The following ARHGAP6 variants were observed in gnomAD, a reference collection of about 807,000 sequenced individuals.
ARHGAP6 encodes the protein rho GTPase-activating protein 6.
A neutral mutation model predicts 55.7 loss-of-function variants in ARHGAP6; 16 were observed. The ratio of observed to expected loss-of-function variants is 0.29; its 90% confidence interval spans 0.19 to 0.44. The LOEUF is 0.44. Among genes scored for constraint, ARHGAP6 ranks in the 20% least tolerant of loss-of-function variants. The pLI is 1.00. For missense variants in ARHGAP6, 698 were observed against 808.9 expected (o/e 0.86, Z 1.66); for synonymous variants, 382 against 360.9 (o/e 1.06, Z -0.66).
Position 11,664,783 on chromosome X carries a change from G to A in ARHGAP6, c.46C>T (p.Pro16Ser), listed in dbSNP as rs747882322. Residue 16 changes from proline to serine, a missense_variant, in exon 1 of 13, where the codon CCC (proline) becomes TCC (serine). Physicochemically the swap from Pro to Ser is moderately conservative, Grantham distance 74 (BLOSUM62 -1). Around this residue, in one of 3 missense-constraint regions of ARHGAP6, gnomAD observed 164 missense variants for 149.2 expected, o/e 1.10. Transcript: ENST00000337414. The part of the protein sequence containing the change: ...LLHSVFSCSS[P>S]ASSSAASAKG... The stretch of plus-strand genomic sequence containing the variant: ...GCCGAGGCCGCGCTACTTGAAGCGG[G>A]CGAGGAACAGGAGAAGACGCTGTGG... 1 of 1,203,306 alleles carries A rather than the reference G, an allele frequency of 8.3e-7. No homozygotes were observed. The highest frequency in any genetic ancestry group is 1.8e-5 in the South Asian group (1 of 55,148).
intron 1 of ARHGAP6, among the ~76,000 whole-genome samples, chrX:11,646,245 A>G (rs2052525549): frequency 9.0e-6 from 1 of 111,489 alleles, no homozygotes; most frequent in Non-Finnish European, 1.9e-5. Context: ...TGTAATACCC[A>G]TGGGTATTAC....
chrX:11,495,467 T>C (rs1371102438), intron 1 of ARHGAP6, among the ~76,000 whole-genome samples: 3 of 112,267 alleles, frequency 2.7e-5, no homozygotes, highest in Non-Finnish European at 1.9e-5. Flanking sequence ...CCCTCTTTTC[T>C]TCACCTGAGT....
chrX:11,576,555 CTAAT>C (rs2051601023), intron 1 of ARHGAP6, among the ~76,000 whole-genome samples: 1 of 111,729 alleles, frequency 9.0e-6, no homozygotes, highest in African/African-American at 3.3e-5. Flanking sequence ...GGCACAATAA[CTAAT>C]TGTTATTGAA....
At chrX:11,353,941 C>T (rs750805323) in intron 1 of ARHGAP6, among the ~76,000 whole-genome samples, 3 of 110,922 alleles carry the variant, frequency 2.7e-5, no homozygotes, top group Non-Finnish European at 5.7e-5. Flanking sequence ...CAAAGAAATG[C>T]TTAGAAAGCC....
At chrX:11,357,535 T>G (rs1397132665) in intron 1 of ARHGAP6, among the ~76,000 whole-genome samples, 1 of 111,733 alleles carries the variant, frequency 8.9e-6, no homozygotes, top group Non-Finnish European at 1.9e-5. Context: ...TTCTCCAAAT[T>G]TTATGTGTTT....
At chrX:11,613,921 C>G (rs895645866) in intron 1 of ARHGAP6, among the ~76,000 whole-genome samples, 18 of 112,002 alleles carry the variant, frequency 1.6e-4, no homozygotes, top group African/African-American at 5.5e-4. Flanking sequence ...TTAGCTGGGC[C>G]TTTTCCCAAT....
chrX:11,229,649 T>C (rs1334864747), intron 2 of ARHGAP6, among the ~76,000 whole-genome samples: 2 of 112,098 alleles, frequency 1.8e-5, no homozygotes, highest in African/African-American at 3.2e-5. Context: ...GGAAACACTT[T>C]AGTAAATATG....
rs957432746 is a variant in ARHGAP6 at position 11,485,746 on chromosome X, G to A, written c.588+178495C>T. Among the ~76,000 whole-genome samples, 4 of 111,817 alleles carry A rather than the reference G, an allele frequency of 3.6e-5. No individual in the cohort carries two copies. The Admixed American group carries it at 3.8e-4, about 11-fold the overall frequency. The stretch of plus-strand genomic sequence containing the variant: ...GGGGTGGGTAGGATCAGTGAGCCCA[G>A]TTGCTACATCTCTTCAATTTGCAGG... On this transcript the variant is annotated intron_variant, in intron 1 of 12. Coordinates refer to ENST00000337414, the MANE Select transcript of ARHGAP6 (RefSeq NM_013427.3).
intron 1 of ARHGAP6, among the ~76,000 whole-genome samples, chrX:11,456,450 G>A (rs2050194351): frequency 8.9e-6 from 1 of 111,969 alleles, no homozygotes; most frequent in Non-Finnish European, 1.9e-5. Context: ...AATGTGACAA[G>A]GGTGAAAGAA....
chrX:11,492,694 G>C (rs2050583385), intron 1 of ARHGAP6, among the ~76,000 whole-genome samples: 1 of 110,081 alleles, frequency 9.1e-6, no homozygotes, highest in African/African-American at 3.3e-5. Context: ...GTATACTATA[G>C]TCCTATTTAT....
Position 11,389,493 on chromosome X carries a change from C to G in ARHGAP6, c.589-134786G>C, listed in dbSNP as rs931729187. Among the ~76,000 whole-genome samples the G allele has an allele frequency of 2.7e-5, 3 of 112,277 alleles. No individual in the cohort carries two copies. The South Asian group carries it at 1.1e-3, about 41-fold the overall frequency. On this transcript the variant is annotated intron_variant, in intron 1 of 12. Coordinates refer to ENST00000337414, the MANE Select transcript of ARHGAP6 (RefSeq NM_013427.3). ...GGCCAACCAAGTGAAGTTGCTAAAG[C>G]AAAAACCAGATATCAAATTATTTTG...
At chrX:11,516,169 CTAAG>C (rs1290028218) in intron 1 of ARHGAP6, among the ~76,000 whole-genome samples, 1 of 112,635 alleles carries the variant, frequency 8.9e-6, no homozygotes, top group African/African-American at 3.2e-5. Context: ...AAGTTAGTTA[CTAAG>C]TATTTTTTAA....
intron 1 of ARHGAP6, among the ~76,000 whole-genome samples, chrX:11,421,227 C>A (rs1355268684): frequency 1.8e-5 from 2 of 112,431 alleles, no homozygotes; most frequent in Non-Finnish European, 3.8e-5. Context: ...AAGTGCCATA[C>A]AAAATTGTTC....
intron 1 of ARHGAP6, among the ~76,000 whole-genome samples, chrX:11,444,296 G>A (rs949573495): frequency 8.9e-6 from 1 of 112,434 alleles, no homozygotes; most frequent in Non-Finnish European, 1.9e-5. Context: ...TCCACAGGCA[G>A]CGAATGTTGA....
chrX:11,470,901 T>C (rs2050340839), intron 1 of ARHGAP6, among the ~76,000 whole-genome samples: 1 of 111,947 alleles, frequency 8.9e-6, no homozygotes, highest in African/African-American at 3.2e-5. Flanking sequence ...CATTTTGAAC[T>C]GGGCCTTGCA....
At chrX:11,641,940 G>GA (rs961365230) in intron 1 of ARHGAP6, among the ~76,000 whole-genome samples, 117 of 107,872 alleles carry the variant, frequency 1.1e-3, no homozygotes, top group African/African-American at 3.4e-3. Flanking sequence ...TCTCCCCATG[G>GA]AAAAAAAAAT....
rs139757230 is a variant in ARHGAP6 at position 11,298,942 on chromosome X, C to A, written c.589-44235G>T. 153 of 1,208,707 alleles carry A rather than the reference C, an allele frequency of 1.3e-4. No homozygotes were observed. The highest frequency in any genetic ancestry group is 1.7e-4 in the Non-Finnish European group (148 of 894,914). On this transcript the variant is annotated intron_variant, in intron 1 of 12. Coordinates refer to ENST00000337414, the MANE Select transcript of ARHGAP6 (RefSeq NM_013427.3). ...CCTGATCTGACTCTGGAAGCTTGGC[C>A]ATCAACAGACAAGACCAAGCGGGAG... is the stretch of plus-strand genomic sequence containing the variant.
At chrX:11,487,536 T>G (rs1417841483) in intron 1 of ARHGAP6, among the ~76,000 whole-genome samples, 1 of 112,513 alleles carries the variant, frequency 8.9e-6, no homozygotes, top group East Asian at 2.7e-4. Context: ...TGAATTTCAG[T>G]TAAACAACTA....
intron 1 of ARHGAP6, among the ~76,000 whole-genome samples, chrX:11,350,227 A>G (rs1006435375): frequency 2.7e-5 from 3 of 111,969 alleles, no homozygotes; most frequent in Non-Finnish European, 5.6e-5. Flanking sequence ...CACTCCCTCA[A>G]ATATGTAACT....
Sources: gnomAD v4.1 joint callset for allele counts (sites outside exome capture counted in the v4.1 genomes callset) on GRCh38, gnomAD v4.1.1 for gene constraint, gnomAD v4.1.1 regional missense constraint, MANE v1.5 for transcripts, NCBI Gene and HGNC (gene_info 2026-07-23, HGNC 2026-07-21) for gene names.